The following PSKH1 variants were observed in gnomAD, a reference collection of about 807,000 sequenced individuals.
PSKH1 encodes protein serine kinase H1.
In PSKH1, 12 loss-of-function variants were observed where a neutral mutation model predicts 26.7. The observed-to-expected ratio is 0.45, with a 90% CI of 0.29 to 0.73. The LOEUF is 0.73. PSKH1 is among the 30% of genes least tolerant of loss of function. The pLI, the probability that PSKH1 is intolerant of heterozygous loss-of-function variation, is 0.11. For missense variants in PSKH1, 431 were observed against 595.2 expected, an observed-to-expected ratio of 0.72 and a Z score of 2.87; for synonymous variants, 213 against 234.3, an observed-to-expected ratio of 0.91 and a Z score of 0.83.
At chr16:67,906,654 C>T (rs1051547521) in intron 1 of PSKH1, among the ~76,000 whole-genome samples, 3 of 152,102 alleles carry the variant, frequency 2.0e-5, no homozygotes, top group South Asian at 2.1e-4. Context: ...TGTGAGCTAC[C>T]GGGCCCAGCC....
Position 67,927,894 on chromosome 16 carries a change from C to G in PSKH1, c.*252C>G. 1.8e-6 allele frequency: 1 copy of G among 543,444 alleles called. No homozygotes were observed. Among genetic ancestry groups the G allele is most frequent in the Non-Finnish European group, 3.3e-6 (1 of 306,864 alleles). 33.7% of individuals were successfully genotyped at this position (543,444 alleles called of 1,614,324 possible). ...CTGGGAGCCTGGCCTGGCACTGATA[C>G]CCCTCTTGGTGGGCAGCTGCTCTGG... is the stretch of plus-strand genomic sequence containing the variant. On this transcript the variant is annotated 3_prime_UTR_variant, in exon 3 of 3. Coordinates refer to ENST00000291041, the MANE Select transcript of PSKH1 (RefSeq NM_006742.3). The surrounding 1 kb of genome is among the most constrained non-coding windows in gnomAD (Gnocchi z 5.5).
At chr16:67,901,703 C>T (rs755952333) in intron 1 of PSKH1, among the ~76,000 whole-genome samples, 22 of 150,626 alleles carry the variant, frequency 1.5e-4, no homozygotes, top group Non-Finnish European at 2.5e-4. Context: ...AGCACAAACA[C>T]AGCACACTGC....
chr16:67,901,466 C>T (rs1440416317), intron 1 of PSKH1, among the ~76,000 whole-genome samples: 3 of 152,054 alleles, frequency 2.0e-5, no homozygotes, highest in Admixed American at 6.6e-5. Flanking sequence ...TGAGTAGCTG[C>T]GACTGCAGGC....
intron 2 of PSKH1, among the ~76,000 whole-genome samples, chr16:67,910,274 C>A (rs981102680): frequency 1.3e-5 from 2 of 152,044 alleles, no homozygotes; most frequent in Non-Finnish European, 2.9e-5. Context: ...TGTTGCCAGG[C>A]ACCAAGCAGT....
chr16:67,925,328 T>C (rs1433068287), intron 2 of PSKH1, among the ~76,000 whole-genome samples: 2 of 152,084 alleles, frequency 1.3e-5, no homozygotes, highest in African/African-American at 4.8e-5. Context: ...CCTGAGTAGC[T>C]GGGACTACAG....
chr16:67,908,669 T>C lies in PSKH1; in HGVS notation c.-70-11T>C. ...CCTGGCTGTGCTGACTTGTTCTCTC[T>C]TTGTGTGTAGGTGTAGACGGGGCAC... On this transcript the variant is annotated splice_polypyrimidine_tract_variant and intron_variant, in intron 1 of 2. Coordinates refer to ENST00000291041, the MANE Select transcript of PSKH1 (RefSeq NM_006742.3). 1 of 1,234,450 alleles carries C rather than the reference T, an allele frequency of 8.1e-7. No individual in the cohort carries two copies. 76.5% of individuals were successfully genotyped at this position (1,234,450 alleles called of 1,614,324 possible). A position where few individuals can be genotyped will look rare whatever the true frequency, so the allele number is the denominator to read the frequency against.
chr16:67,896,625 C>A (rs1378635005), intron 1 of PSKH1, among the ~76,000 whole-genome samples: 1 of 149,966 alleles, frequency 6.7e-6, no homozygotes, highest in Non-Finnish European at 1.5e-5. Flanking sequence ...TCACCGCAAC[C>A]TCTGCCTCCC....
chr16:67,904,551 G>T (rs927579029), intron 1 of PSKH1, among the ~76,000 whole-genome samples: 2 of 151,796 alleles, frequency 1.3e-5, no homozygotes. Flanking sequence ...TGTTGGTCAG[G>T]CTGGTCTCAA....
intron 2 of PSKH1, among the ~76,000 whole-genome samples, chr16:67,918,518 G>A (rs561745838): frequency 1.3e-5 from 2 of 152,026 alleles, no homozygotes; most frequent in African/African-American, 4.8e-5. Flanking sequence ...TGGGTGTCTG[G>A]TCTGCAGGTT....
At chr16:67,906,929 A>G (rs958512215) in intron 1 of PSKH1, among the ~76,000 whole-genome samples, 4 of 151,968 alleles carry the variant, frequency 2.6e-5, no homozygotes, top group Admixed American at 6.6e-5. Flanking sequence ...AATCTGGGTG[A>G]AACTGCCAGT....
intron 1 of PSKH1, among the ~76,000 whole-genome samples, chr16:67,903,536 C>T (rs533453297): frequency 1.3e-5 from 2 of 151,336 alleles, no homozygotes; most frequent in African/African-American, 4.9e-5. Context: ...GGCACAGTCT[C>T]AGCTCACTGC....
intron 1 of PSKH1, among the ~76,000 whole-genome samples, chr16:67,896,535 C>CTTTTTTT (rs959626962): frequency 3.6e-4 from 29 of 80,968 alleles, no homozygotes; most frequent in African/African-American, 1.3e-3. Context: ...TAGTGTGCTT[C>CTTTTTTT]TTTTTTTTTT....
intron 2 of PSKH1, among the ~76,000 whole-genome samples, chr16:67,913,631 C>T (rs920005843): frequency 8.5e-5 from 13 of 152,078 alleles, no homozygotes; most frequent in South Asian, 2.1e-4. Flanking sequence ...CCCATTCTAG[C>T]GATGTCTGTC....
intron 2 of PSKH1, among the ~76,000 whole-genome samples, chr16:67,920,663 G>A (rs994548077): frequency 1.3e-5 from 2 of 152,208 alleles, no homozygotes; most frequent in African/African-American, 4.8e-5. Flanking sequence ...ATGGTGACCT[G>A]GTCCAGCCAT....
Position 67,927,688 on chromosome 16 carries a change from C to G in PSKH1, c.*46C>G, listed in dbSNP as rs765666638. 3.5e-5 allele frequency: 54 copies of G among 1,546,736 alleles called. No homozygotes were observed. The highest frequency in any genetic ancestry group is 4.5e-5 in the Non-Finnish European group (52 of 1,149,688). ...TGCAGCACGACCCAGCCTGGCCACA[C>G]ACTGTGGTGCCATCTGGGTCCGATG... On this transcript the variant is annotated 3_prime_UTR_variant, in exon 3 of 3. Transcript: ENST00000291041. This position sits in a 1 kb window ranked among gnomAD's most constrained non-coding sequence, Gnocchi z 5.5.
At chr16:67,907,539 G>T (rs913312607) in intron 1 of PSKH1, among the ~76,000 whole-genome samples, 1 of 152,188 alleles carries the variant, frequency 6.6e-6, no homozygotes, top group African/African-American at 2.4e-5. Flanking sequence ...GGGATTACAG[G>T]CATGAGCCAC....
In PSKH1 at chr16:67,908,962, G is replaced by A. The variant is rs146109328; in HGVS notation, c.213G>A (p.Thr71=). 239 of 1,613,912 alleles carry A rather than the reference G, an allele frequency of 1.5e-4. No homozygotes were observed. The Middle Eastern group carries it at 5.1e-3, about 35-fold the overall frequency. ...CCGGTCCCCCGACTGCTGGCCACACGGAGCCTCCCTCAGAACCACCACGCA... is the reference window on the plus strand; with the variant it reads ...CCGGTCCCCCGACTGCTGGCCACACAGAGCCTCCCTCAGAACCACCACGCA... The part of the protein sequence containing the change: ...PCPGPPTAGH[T]EPPSEPPRRA... The change falls in exon 2 of 3, where the codon ACG becomes ACA. Residue 71 remains threonine (T), a synonymous_variant. Coordinates refer to ENST00000291041, the MANE Select transcript of PSKH1 (RefSeq NM_006742.3).
chr16:67,921,043 G>A (rs1479308970), intron 2 of PSKH1, among the ~76,000 whole-genome samples: 1 of 151,966 alleles, frequency 6.6e-6, no homozygotes, highest in Non-Finnish European at 1.5e-5. Flanking sequence ...CCCTTTGGGA[G>A]GCCAAGGTGG....
At chr16:67,904,455 C>T (rs1301517888) in intron 1 of PSKH1, among the ~76,000 whole-genome samples, 4 of 152,092 alleles carry the variant, frequency 2.6e-5, no homozygotes, top group African/African-American at 4.8e-5. Flanking sequence ...CCGCCCACCT[C>T]GGCCTCCCAT....
Sources: allele counts gnomAD v4.1 joint callset (sites outside exome capture counted in the v4.1 genomes callset), GRCh38; gene constraint gnomAD v4.1.1; non-coding constraint Gnocchi (gnomAD v3.1); transcripts MANE v1.5; gene names NCBI Gene and HGNC (gene_info 2026-07-23, HGNC 2026-07-21).